Variants in EIF2S2 observed in about 807,000 individuals in gnomAD.
EIF2S2 encodes eukaryotic translation initiation factor 2 subunit 2.
A neutral mutation model predicts 44.0 loss-of-function variants in EIF2S2; 4 were observed. That is an observed-to-expected ratio of 0.09 (90% CI 0.04 to 0.21). The LOEUF (loss-of-function observed/expected upper bound fraction) is 0.21, where lower values mean the gene tolerates loss of function less well. EIF2S2 is among the 10% of genes least tolerant of loss of function. The probability of loss-of-function intolerance (pLI) is 1.00; values close to 1 mark genes in which losing one functional copy is unlikely to be tolerated. For missense variants in EIF2S2, 154 were observed against 392.0 expected, an observed-to-expected ratio of 0.39 and a Z score of 5.13; for synonymous variants, 108 against 128.3, an observed-to-expected ratio of 0.84 and a Z score of 1.07.
chr20:34,103,364 G>A, intron 3 of EIF2S2, 98 bp downstream of exon 3: 2 of 1,428,678 alleles, frequency 1.4e-6, no homozygotes, highest in South Asian at 1.4e-5. Context: ...AATAACAAAA[G>A]CAAAGCTAGT....
chr20:34,090,968 C>A lies in EIF2S2; in HGVS notation c.741-366G>T, dbSNP rs148336481. Among the ~76,000 whole-genome samples, 10 of 151,970 alleles carry A rather than the reference C, an allele frequency of 6.6e-5. No individual in the cohort carries two copies. The East Asian group carries it at 1.7e-3, about 26-fold the overall frequency. Reference sequence around the variant, plus strand: ...GTCTCCCTATGTTGCCCAGGCTGGTCTCAAACTACTGGACTCAAGTGATCC... The same window carrying A: ...GTCTCCCTATGTTGCCCAGGCTGGTATCAAACTACTGGACTCAAGTGATCC... On this transcript the variant is annotated intron_variant, in intron 7 of 8. Transcript: ENST00000374980.
In EIF2S2 at chr20:34,112,191, C is replaced by G. The variant is rs758655289; in HGVS notation, c.-81G>C. The stretch of plus-strand genomic sequence containing the variant: ...GCCCCGGCGGCAGCGCTGCCCCTGC[C>G]GATACCTCTCCCACCACCGCACTAG... On this transcript the variant is annotated 5_prime_UTR_variant, in exon 1 of 9. Transcript: ENST00000374980. 9.8e-6 allele frequency: 14 copies of G among 1,433,162 alleles called. No individual in the cohort carries two copies. The highest frequency in any genetic ancestry group is 1.3e-5 in the Non-Finnish European group (14 of 1,065,054). The allele number at this position is 1,433,162 out of a possible 1,614,324, so 88.8% of individuals were successfully genotyped here.
At chr20:34,103,330 C>T (rs887963647) in intron 3 of EIF2S2, 132 bp downstream of exon 3, 18 of 1,226,144 alleles carry the variant, frequency 1.5e-5, no homozygotes, top group African/African-American at 7.8e-5. Context: ...AAGAAAATGA[C>T]GCTACCAGTG....
At chr20:34,093,282 CTCA>C (rs1446461387) in intron 7 of EIF2S2, among the ~76,000 whole-genome samples, 1 of 152,182 alleles carries the variant, frequency 6.6e-6, no homozygotes, top group African/African-American at 2.4e-5. Flanking sequence ...TCCAGTGCCA[CTCA>C]TCAACTTACT....
chr20:34,089,934 C>T, intron 8 of EIF2S2, 29 bp from the exon 9 acceptor site: 1 of 1,612,204 alleles, frequency 6.2e-7, no homozygotes, highest in Non-Finnish European at 8.5e-7. Context: ...ACAGAATTAC[C>T]TGGTGGCTGC....
chr20:34,111,667 G>A (rs921116470), intron 1 of EIF2S2, among the ~76,000 whole-genome samples: 5 of 152,222 alleles, frequency 3.3e-5, no homozygotes, highest in South Asian at 2.1e-4. Flanking sequence ...AAGTTTTAAC[G>A]AGGGCGTTAT....
chr20:34,112,021 C>T, intron 1 of EIF2S2, 75 bp downstream of exon 1: 1 of 1,327,018 alleles, frequency 7.5e-7, no homozygotes, highest in Admixed American at 3.5e-5. Flanking sequence ...AGGCCGCAGG[C>T]CCGTTCTCCC....
chr20:34,090,459 C>T (rs975039290), intron 8 of EIF2S2, 58 bp downstream of exon 8: 23 of 1,104,244 alleles, frequency 2.1e-5, no homozygotes, highest in Non-Finnish European at 2.8e-5. Context: ...CTTCCTCTAA[C>T]ACTGCAGCCT....
chr20:34,106,080 C>A (rs1006163525), intron 1 of EIF2S2, among the ~76,000 whole-genome samples: 3 of 152,114 alleles, frequency 2.0e-5, no homozygotes, highest in African/African-American at 7.2e-5. Flanking sequence ...TGCTACCATG[C>A]CCAGCTAATT....
At chr20:34,098,721 T>A in intron 3 of EIF2S2, 88 bp from the exon 4 acceptor site, 5 of 1,441,002 alleles carry the variant, frequency 3.5e-6, no homozygotes, top group Non-Finnish European at 4.6e-6. Context: ...GATGAGGAGG[T>A]CTTGCTTTGT....
At chr20:34,094,707 C>A (rs1392134371) in intron 6 of EIF2S2, among the ~76,000 whole-genome samples, 14 of 144,476 alleles carry the variant, frequency 9.7e-5, no homozygotes, top group South Asian at 2.1e-4. Context: ...TCTCAATATA[C>A]AAAAAAAAAA....
At chr20:34,097,945 T>G (rs933656047) in intron 4 of EIF2S2, among the ~76,000 whole-genome samples, 8 of 152,280 alleles carry the variant, frequency 5.3e-5, no homozygotes, top group Non-Finnish European at 1.2e-4. Context: ...TTAAAAAATT[T>G]TTTTAATTAA....
intron 6 of EIF2S2, among the ~76,000 whole-genome samples, chr20:34,096,364 C>G (rs1482159022): frequency 6.6e-6 from 1 of 152,034 alleles, no homozygotes; most frequent in East Asian, 1.9e-4. Flanking sequence ...ACTTAGGAGG[C>G]TGAAGCAGGA....
At chr20:34,107,155 G>A (rs2034359158) in intron 1 of EIF2S2, among the ~76,000 whole-genome samples, 1 of 151,930 alleles carries the variant, frequency 6.6e-6, no homozygotes, top group Non-Finnish European at 1.5e-5. Context: ...TCCAGCCTGG[G>A]TGACAGAGCA....
chr20:34,105,602 C>T, intron 1 of EIF2S2, 57 bp from the exon 2 acceptor site: 1 of 1,434,650 alleles, frequency 7.0e-7, no homozygotes, highest in Non-Finnish European at 9.3e-7. Context: ...ATGATGCTCA[C>T]ATTCCAAATA....
intron 5 of EIF2S2, 138 bp from the exon 6 acceptor site, chr20:34,096,943 T>C (rs905399093): frequency 5.3e-6 from 5 of 951,002 alleles, no homozygotes; most frequent in Admixed American, 2.6e-5. Context: ...GTCTGGGAGC[T>C]CCTTGAGGGC....
chr20:34,103,919 C>T (rs1395251598), intron 2 of EIF2S2, among the ~76,000 whole-genome samples: 3 of 152,056 alleles, frequency 2.0e-5, no homozygotes, highest in African/African-American at 7.2e-5. Context: ...CCACGTTAGC[C>T]AGGATGGTCT....
chr20:34,098,042 T>C (rs2122410619), intron 4 of EIF2S2, among the ~76,000 whole-genome samples: 1 of 152,178 alleles, frequency 6.6e-6, no homozygotes, highest in South Asian at 2.1e-4. Flanking sequence ...GGTTGGGAGT[T>C]CGAGACCTGC....
At chr20:34,106,362 A>G (rs1397784845) in intron 1 of EIF2S2, among the ~76,000 whole-genome samples, 1 of 152,120 alleles carries the variant, frequency 6.6e-6, no homozygotes, top group African/African-American at 2.4e-5. Context: ...TCATATAGCA[A>G]ATCTCTGAGT....
Sources: gnomAD v4.1 joint callset for allele counts (sites outside exome capture counted in the v4.1 genomes callset) on GRCh38, gnomAD v4.1.1 for gene constraint, MANE v1.5 for transcripts, NCBI Gene and HGNC (gene_info 2026-07-23, HGNC 2026-07-21) for gene names.